The following PPFIA4 variants were observed in gnomAD, a reference collection of about 807,000 sequenced individuals.
The protein encoded by PPFIA4 is liprin-alpha-4.
Under a neutral mutation model 145.7 loss-of-function variants are expected in PPFIA4, and 98 were observed. The ratio of observed to expected loss-of-function variants is 0.67; its 90% CI spans 0.57 to 0.80. PPFIA4 has a LOEUF of 0.80. Ranked by LOEUF, PPFIA4 falls within the 30% of genes least tolerant of loss-of-function variation. The pLI is 0.00. For missense variants in PPFIA4, 1,457 were observed against 1,632.7 expected (o/e 0.89, Z 1.85); for synonymous variants, 628 against 649.6 (o/e 0.97, Z 0.51).
In PPFIA4 at chr1:203,060,140, C is replaced by A; in HGVS notation, c.2584-77C>A. On this transcript the variant is annotated intron_variant, in intron 21 of 29. Coordinates refer to ENST00000295706, the MANE Select transcript of PPFIA4 (RefSeq NM_001304331.2). The surrounding 1 kb of genome is among the most constrained non-coding windows in gnomAD (Gnocchi z 4.8). ...TCGAGTCCGTGGATGAGGCCTGGCC[C>A]TTGCCCCTTGCTGTTGCCAAACTCT... 6.9e-7 allele frequency: 1 copy of A among 1,449,104 alleles called. No individual in the cohort carries two copies. Among genetic ancestry groups the A allele is most frequent in the Non-Finnish European group, 9.5e-7 (1 of 1,052,152 alleles). The allele number at this position is 1,449,104 out of a possible 1,614,324, so 89.8% of individuals were successfully genotyped here.
In PPFIA4 at chr1:203,044,912, C is replaced by G. The variant is rs752050267; in HGVS notation, c.666+127C>G. ...AATTTGAGGCTTTCTCTGATATTCC[C>G]CCTTCTCTTTTCTTCTTCTCCCTAC... On this transcript the variant is annotated intron_variant, in intron 6 of 29. Coordinates refer to ENST00000295706, the MANE Select transcript of PPFIA4 (RefSeq NM_001304331.2). 3 of 807,644 alleles carry G rather than the reference C, an allele frequency of 3.7e-6. No homozygotes were observed. In the African/African-American group the frequency reaches 5.2e-5, roughly 14 times the overall value. The allele number at this position is 807,644 out of a possible 1,614,324, so 50.0% of individuals were successfully genotyped here. A position where few individuals can be genotyped will look rare whatever the true frequency, so the allele number is the denominator to read the frequency against.
intron 27 of PPFIA4, among the ~76,000 whole-genome samples, chr1:203,069,428 T>C (rs1661971283): frequency 6.6e-6 from 1 of 152,242 alleles, no homozygotes; most frequent in East Asian, 1.9e-4. Context: ...TCTCACCTTT[T>C]ATGATTTCAT....
In PPFIA4 at chr1:203,060,996, T is replaced by G; in HGVS notation, c.2811T>G (p.His937Gln). The change falls in exon 23 of 30, where the codon CAT becomes CAG. Residue 937 changes from histidine to glutamine, a missense_variant. By Grantham distance (24) the His-to-Gln change is conservative (BLOSUM62 0). Coordinates refer to ENST00000295706, the MANE Select transcript of PPFIA4 (RefSeq NM_001304331.2). The surrounding 1 kb of genome is among the most constrained non-coding windows in gnomAD (Gnocchi z 4.8). Reference sequence around the variant, plus strand: ...CTTCTGGGAATGTCTGGGTCACCCATGAAGAGATGGAAACTCTGGAAACAT... The same window carrying G: ...CTTCTGGGAATGTCTGGGTCACCCAGGAAGAGATGGAAACTCTGGAAACAT... ...RTSSGNVWVT[H>Q]EEMETLETST... 6.2e-7 allele frequency: 1 copy of G among 1,613,970 alleles called. No individual in the cohort carries two copies. The highest frequency in any genetic ancestry group is 8.5e-7 in the Non-Finnish European group (1 of 1,179,838).
intron 27 of PPFIA4, among the ~76,000 whole-genome samples, chr1:203,069,755 A>AACCCCC: frequency 9.5e-6 from 1 of 104,824 alleles, no homozygotes; most frequent in Non-Finnish European, 2.0e-5. Context: ...TTCTGCAGTG[A>AACCCCC]CCCCCCCGCC....
In PPFIA4 at chr1:203,068,602, C is replaced by T; in HGVS notation, c.3298C>T (p.Leu1100Phe). 1 of 1,562,622 alleles carries T rather than the reference C, an allele frequency of 6.4e-7. No individual in the cohort carries two copies. Among genetic ancestry groups the T allele is most frequent in the Non-Finnish European group, 8.6e-7 (1 of 1,157,026 alleles). Residue 1100 changes from leucine (L) to phenylalanine (F), a missense_variant, in exon 27 of 30, where the codon CTC becomes TTC. Physicochemically the swap from Leu to Phe is conservative, Grantham distance 22. This residue lies in a region of PPFIA4 where 848 missense variants were observed against 1,046.7 expected (regional missense o/e 0.81). Coordinates refer to ENST00000295706, the MANE Select transcript of PPFIA4 (RefSeq NM_001304331.2). The surrounding 1 kb of genome is among the most constrained non-coding windows in gnomAD (Gnocchi z 4.7). Reference protein sequence around the residue: ...NFDHNTLALILQIPTQNTQAR... With the variant: ...NFDHNTLALIFQIPTQNTQAR... ...CGACCACAACACACTGGCCCTGATC[C>T]TCCAGATCCCCACACAGAACACCCA...
At chr1:203,036,476 A>G (rs1485722594) in intron 1 of PPFIA4, among the ~76,000 whole-genome samples, 1 of 151,336 alleles carries the variant, frequency 6.6e-6, no homozygotes, top group Non-Finnish European at 1.5e-5. Context: ...CTCCAAAGTT[A>G]GCCTCTGCCA....
rs770604076 is a variant in PPFIA4, at chr1:203,067,775, G to A, written c.3131G>A (p.Ser1044Asn). 1 of 1,613,766 alleles carries A rather than the reference G, an allele frequency of 6.2e-7. No individual in the cohort carries two copies. Among genetic ancestry groups the A allele is most frequent in the Non-Finnish European group, 8.5e-7 (1 of 1,179,852 alleles). The change falls in exon 26 of 30, where the codon AGC (serine) becomes AAC (asparagine). Residue 1044 changes from serine (S) to asparagine (N), a missense_variant. Coordinates refer to ENST00000295706, the MANE Select transcript of PPFIA4 (RefSeq NM_001304331.2). The stretch of plus-strand genomic sequence containing the variant: ...GAGCTGGAGAAGAGGCGAGAGGAGA[G>A]CCAGCATGAGATCAAGGGTAAGCTC... ...RKELEKRREE[S>N]QHEIKDVLVW...
intron 1 of PPFIA4, among the ~76,000 whole-genome samples, chr1:203,033,819 A>G (rs1258649832): frequency 6.6e-6 from 1 of 152,176 alleles, no homozygotes; most frequent in Non-Finnish European, 1.5e-5. Context: ...CTCTACTAAA[A>G]ATAAAAAAAA....
chr1:203,067,229 G>GA (rs1427010580), intron 25 of PPFIA4, among the ~76,000 whole-genome samples: 1 of 152,222 alleles, frequency 6.6e-6, no homozygotes, highest in Non-Finnish European at 1.5e-5. Flanking sequence ...GGCTGCAGCA[G>GA]AGAGAGCAAG....
At chr1:203,066,649 G>T (rs1028572454) in intron 25 of PPFIA4, among the ~76,000 whole-genome samples, 2 of 152,198 alleles carry the variant, frequency 1.3e-5, no homozygotes, top group Admixed American at 1.3e-4. Flanking sequence ...AGGTGGGAGC[G>T]TGGACTGATG....
intron 1 of PPFIA4, chr1:203,034,543 G>A (rs893697270): frequency 4.4e-6 from 2 of 456,538 alleles, no homozygotes; most frequent in Non-Finnish European, 8.8e-6. Context: ...AGCGCCTATG[G>A]GAGTGGGGGG....
intron 14 of PPFIA4, among the ~76,000 whole-genome samples, chr1:203,052,397 G>T (rs1238620478): frequency 6.6e-6 from 1 of 152,088 alleles, no homozygotes; most frequent in African/African-American, 2.4e-5. Context: ...GAAAAATGCC[G>T]AGTTTGATCT....
Position 203,048,095 on chromosome 1 carries a change from T to C in PPFIA4, c.1141-132T>C. ...GGTGGTCCTGCTCCAAGATGATAAG[T>C]GGAGGCTGAGCGTCACTGGTACTGG... On this transcript the variant is annotated intron_variant, in intron 9 of 29. Transcript: ENST00000295706. This position sits in a 1 kb window ranked among gnomAD's most constrained non-coding sequence, Gnocchi z 5.8. The C allele has an allele frequency of 2.7e-6, 2 of 752,888 alleles. No individual in the cohort carries two copies. The highest frequency in any genetic ancestry group is 2.3e-6 in the Non-Finnish European group (1 of 440,902). 46.6% of individuals were successfully genotyped at this position (752,888 alleles called of 1,614,324 possible).
At position 203,077,616 on chromosome 1, in the gene PPFIA4, G is replaced by C. The variant is rs975490860; in HGVS notation, c.*1226G>C. The C allele has an allele frequency of 6.6e-6, 1 of 152,128 alleles. No individual in the cohort carries two copies. The highest frequency in any genetic ancestry group is 2.4e-5 in the African/African-American group (1 of 41,400). 9.4% of individuals were successfully genotyped at this position (152,128 alleles called of 1,614,324 possible). ...ACCCTCATCCAGGGCTATTTTGGTG[G>C]GCAGGGACTGCCTCCTCCCGGAATT... On this transcript the variant is annotated 3_prime_UTR_variant, in exon 30 of 30. Transcript: ENST00000295706.
chr1:203,075,691 T>C lies in PPFIA4; in HGVS notation c.3508T>C (p.Phe1170Leu). 6.7e-7 allele frequency: 1 copy of C among 1,488,656 alleles called. No homozygotes were observed. The highest frequency in any genetic ancestry group is 9.0e-7 in the Non-Finnish European group (1 of 1,116,936). 92.2% of individuals were successfully genotyped at this position (1,488,656 alleles called of 1,614,324 possible). ...SASAETLPAG[F>L]RVSTLGTLQP... ...TTCCGCGGAGACCCTCCCGGCGGGC[T>C]TCCGTGTGTCCACCCTGGGGACCCT... is the stretch of plus-strand genomic sequence containing the variant. Residue 1170 changes from phenylalanine (F) to leucine (L), a missense_variant, in exon 29 of 30, where the codon TTC becomes CTC. Transcript: ENST00000295706. The surrounding 1 kb of genome is among the most constrained non-coding windows in gnomAD (Gnocchi z 4.1).
rs1662546566 is a variant in PPFIA4 at position 203,076,361 on chromosome 1, G to A, written c.3595G>A (p.Gly1199Arg). Residue 1199 changes from glycine (G) to arginine (R), a missense_variant, in exon 30 of 30, where the codon GGA becomes AGA. Physicochemically the swap from Gly to Arg is moderately radical, Grantham distance 125 (BLOSUM62 -2). This residue lies in a region of PPFIA4 where 146 missense variants were observed against 126.2 expected (regional missense o/e 1.16). Coordinates refer to ENST00000295706, the MANE Select transcript of PPFIA4 (RefSeq NM_001304331.2). ...MPEAHSHYLY[G>R]HMLSAFRD Reference sequence around the variant, plus strand: ...CTCAGCTCACTCCCACTATCTCTACGGACACATGCTCTCCGCCTTCCGGGA... The same window carrying A: ...CTCAGCTCACTCCCACTATCTCTACAGACACATGCTCTCCGCCTTCCGGGA... The A allele has an allele frequency of 1.9e-6, 3 of 1,607,544 alleles. No individual in the cohort carries two copies. Among genetic ancestry groups the A allele is most frequent in the African/African-American group, 2.7e-5 (2 of 75,036 alleles).
chr1:203,076,689 A>G lies in PPFIA4; in HGVS notation c.*299A>G. The G allele has an allele frequency of 2.1e-6, 1 of 470,252 alleles. No individual in the cohort carries two copies. The highest frequency in any genetic ancestry group is 4.0e-5 in the East Asian group (1 of 24,774). The allele number at this position is 470,252 out of a possible 1,614,324, so 29.1% of individuals were successfully genotyped here. On this transcript the variant is annotated 3_prime_UTR_variant, in exon 30 of 30. Coordinates refer to ENST00000295706, the MANE Select transcript of PPFIA4 (RefSeq NM_001304331.2). Reference sequence around the variant, plus strand: ...AGAAGGGCAGCTCAGGGTGGATGTGAAGCCACCCTTCCTCTTCTGGACCCA... The same window carrying G: ...AGAAGGGCAGCTCAGGGTGGATGTGGAGCCACCCTTCCTCTTCTGGACCCA...
chr1:203,047,114 AG>A (rs1660142077), intron 9 of PPFIA4, among the ~76,000 whole-genome samples: 1 of 152,206 alleles, frequency 6.6e-6, no homozygotes, highest in Non-Finnish European at 1.5e-5. Context: ...ACCGGTGTTT[AG>A]GAAGCACCAG....
At chr1:203,057,151 T>A (rs1031794910) in intron 19 of PPFIA4, among the ~76,000 whole-genome samples, 3 of 152,358 alleles carry the variant, frequency 2.0e-5, no homozygotes, top group Non-Finnish European at 4.4e-5. Context: ...GGGGTAAGCT[T>A]CTGCCTCTGC....
Sources: allele counts gnomAD v4.1 joint callset (sites outside exome capture counted in the v4.1 genomes callset), GRCh38; gene constraint gnomAD v4.1.1; regional missense constraint gnomAD v4.1.1; non-coding constraint Gnocchi (gnomAD v3.1); transcripts MANE v1.5; gene names NCBI Gene and HGNC (gene_info 2026-07-23, HGNC 2026-07-21).